Variants in CXCL13 observed in about 807,000 individuals in gnomAD.
CXCL13 encodes C-X-C motif chemokine 13.
In CXCL13, 7 loss-of-function variants were observed where a neutral mutation model predicts 12.2. The ratio of observed to expected loss-of-function variants is 0.57; its 90% CI spans 0.33 to 1.07. The LOEUF is 1.07. Ranked by LOEUF, CXCL13 falls within the 50% of genes least tolerant of loss-of-function variation. The pLI is 0.04. For synonymous variants in CXCL13, 47 were observed against 42.4 expected (o/e 1.11, Z -0.42); for missense variants, 113 against 127.4 (o/e 0.89, Z 0.55).
rs1262554901 is a variant in CXCL13, at chr4:77,515,104, ATCAGATGG to A, written c.-43+3318_-43+3325del. On this transcript the variant is annotated intron_variant, in intron 1 of 4. Coordinates refer to the CXCL13 transcript ENST00000286758. ...CTTGTTTTTGTCAGGTTTGTCAAAG[ATCAGATGG>A]TTGTAGATATGCGGAGTTATTTCTG... Among the ~76,000 whole-genome samples the A allele has an allele frequency of 2.4e-3, 363 of 152,318 alleles. 1 individual carries two copies. The highest frequency in any genetic ancestry group is 8.0e-3 in the African/African-American group (334 of 41,560).
intron 1 of CXCL13, among the ~76,000 whole-genome samples, chr4:77,592,333 A>G (rs183065612): frequency 1.6e-4 from 24 of 152,346 alleles, no homozygotes; most frequent in African/African-American, 5.8e-4. Flanking sequence ...CAGGCATAGA[A>G]AGACAAATAC....
intron 1 of CXCL13, among the ~76,000 whole-genome samples, chr4:77,586,284 A>G (rs1445650166): frequency 6.6e-6 from 1 of 151,806 alleles, no homozygotes; most frequent in African/African-American, 2.4e-5. Flanking sequence ...CCTGTTCTCA[A>G]AGGGACACAA....
chr4:77,563,994 G>A (rs1297734663), intron 1 of CXCL13, among the ~76,000 whole-genome samples: 1 of 152,106 alleles, frequency 6.6e-6, no homozygotes, highest in Non-Finnish European at 1.5e-5. Flanking sequence ...TGTGACAGAC[G>A]GCCCTGCACT....
At chr4:77,600,860 T>G (rs1188253030), upstream of CXCL13, among the ~76,000 whole-genome samples, 1 of 152,174 alleles carries the variant, frequency 6.6e-6, no homozygotes, top group Non-Finnish European at 1.5e-5. Context: ...TTAGGGGTTT[T>G]TCTCCCCTCC....
intron 1 of CXCL13, among the ~76,000 whole-genome samples, chr4:77,531,005 C>T (rs1388191331): frequency 1.3e-5 from 2 of 151,692 alleles, no homozygotes; most frequent in Admixed American, 1.3e-4. Context: ...AAAGAACATC[C>T]TTATTTCTGC....
At chr4:77,580,247 C>T (rs1252953553) in intron 1 of CXCL13, among the ~76,000 whole-genome samples, 10 of 114,680 alleles carry the variant, frequency 8.7e-5, no homozygotes, top group Non-Finnish European at 1.7e-4. Flanking sequence ...CAATTTTATA[C>T]AAATAAATTT....
chr4:77,587,795 T>C (rs1416893437), intron 1 of CXCL13, among the ~76,000 whole-genome samples: 3 of 152,216 alleles, frequency 2.0e-5, no homozygotes, highest in African/African-American at 7.2e-5. Flanking sequence ...GAGTAATCCG[T>C]TGCAAGGATA....
intron 1 of CXCL13, among the ~76,000 whole-genome samples, chr4:77,539,266 A>G (rs1406893218): frequency 2.0e-5 from 3 of 152,058 alleles, no homozygotes; most frequent in African/African-American, 7.2e-5. Flanking sequence ...AATTAATTTT[A>G]GTCATAAAAA....
chr4:77,553,854 A>G (rs1725592765), intron 1 of CXCL13, among the ~76,000 whole-genome samples: 1 of 152,218 alleles, frequency 6.6e-6, no homozygotes, highest in Non-Finnish European at 1.5e-5. Context: ...AATATGTAGG[A>G]TAAACAAATT....
intron 1 of CXCL13, among the ~76,000 whole-genome samples, chr4:77,545,447 T>A (rs1183327402): frequency 6.6e-6 from 1 of 152,228 alleles, no homozygotes; most frequent in Admixed American, 6.5e-5. Flanking sequence ...TAGTTCTCCT[T>A]GAAGAGGTCC....
chr4:77,562,664 G>A (rs1725841829), intron 1 of CXCL13, among the ~76,000 whole-genome samples: 2 of 142,734 alleles, frequency 1.4e-5, no homozygotes, highest in Non-Finnish European at 2.9e-5. Flanking sequence ...GGGACTTGGA[G>A]AACCTTTATG....
Position 77,605,834 on chromosome 4 carries a change from G to A in CXCL13, c.-32G>A. 6.5e-7 allele frequency: 1 copy of A among 1,527,064 alleles called. No individual in the cohort carries two copies. Among genetic ancestry groups the A allele is most frequent in the Non-Finnish European group, 9.0e-7 (1 of 1,112,202 alleles). The allele number at this position is 1,527,064 out of a possible 1,614,324, so 94.6% of individuals were successfully genotyped here. A position where few individuals can be genotyped will look rare whatever the true frequency, so the allele number is the denominator to read the frequency against. ...ACTGCAAACCCACAGCCTGGACTCA[G>A]AGCTCAAGTCTGAACTCTACCTCCA... On this transcript the variant is annotated 5_prime_UTR_variant, in exon 1 of 4. Transcript: ENST00000682537.
chr4:77,594,946 T>A (rs960790530), intron 1 of CXCL13, among the ~76,000 whole-genome samples: 1 of 151,606 alleles, frequency 6.6e-6, no homozygotes, highest in African/African-American at 2.4e-5. Flanking sequence ...AATTAGAAAA[T>A]AAAATACAGA....
upstream of CXCL13, chr4:77,605,715 T>A (rs992676219): frequency 1.9e-5 from 8 of 429,210 alleles, no homozygotes; most frequent in Admixed American, 3.4e-4. Context: ...TCAGCAATAT[T>A]TGGGGGCTTT....
At chr4:77,581,682 C>A (rs1726336619) in intron 1 of CXCL13, among the ~76,000 whole-genome samples, 1 of 152,166 alleles carries the variant, frequency 6.6e-6, no homozygotes, top group Non-Finnish European at 1.5e-5. Context: ...TCTCTTTCCT[C>A]CTATCTGAGG....
rs536919441 is a variant in CXCL13, at chr4:77,520,273, G to A, written c.-43+8485G>A. On this transcript the variant is annotated intron_variant, in intron 1 of 4. Coordinates refer to the CXCL13 transcript ENST00000286758. ...GAAGAAAGTCATTGGTAGCTTGATGGGGATGGCATTGAACCTATAAATTAC... is the reference window on the plus strand; with the variant it reads ...GAAGAAAGTCATTGGTAGCTTGATGAGGATGGCATTGAACCTATAAATTAC... 4.6e-5 allele frequency among the ~76,000 whole-genome samples: 7 copies of A among 152,250 alleles called. No homozygotes were observed. The South Asian group carries it at 1.0e-3, about 23-fold the overall frequency.
At chr4:77,554,503 A>G (rs1725614067) in intron 1 of CXCL13, among the ~76,000 whole-genome samples, 1 of 152,172 alleles carries the variant, frequency 6.6e-6, no homozygotes. Context: ...ATACTTGGGA[A>G]TTTCAAATCT....
intron 1 of CXCL13, among the ~76,000 whole-genome samples, chr4:77,590,991 T>G (rs1485576904): frequency 6.6e-6 from 1 of 152,190 alleles, no homozygotes; most frequent in African/African-American, 2.4e-5. Flanking sequence ...GTGATTCTTG[T>G]GCCTCAGCCT....
intron 1 of CXCL13, among the ~76,000 whole-genome samples, chr4:77,520,542 T>C (rs993707722): frequency 2.6e-5 from 4 of 152,242 alleles, no homozygotes; most frequent in Non-Finnish European, 5.9e-5. Flanking sequence ...ATAGAAATGC[T>C]TGTGATTTTT....
Sources: gnomAD v4.1 joint callset for allele counts (sites outside exome capture counted in the v4.1 genomes callset) on GRCh38, gnomAD v4.1.1 for gene constraint, MANE v1.5 for transcripts, NCBI Gene and HGNC (gene_info 2026-07-23, HGNC 2026-07-21) for gene names.